Variants in GEMIN2 observed in about 807,000 individuals in gnomAD.
GEMIN2 encodes gem nuclear organelle associated protein 2, also known as gem-associated protein 2.
In GEMIN2, 37 loss-of-function variants were observed where a neutral mutation model predicts 45.8. That is an observed-to-expected ratio of 0.81 (90% confidence interval 0.62 to 1.06). GEMIN2 has a LOEUF of 1.06. Among genes scored for constraint, GEMIN2 ranks in the 50% least tolerant of loss-of-function variants. The pLI, the probability that GEMIN2 is intolerant of heterozygous loss-of-function variation, is 0.00. For synonymous variants in GEMIN2, 101 were observed against 111.5 expected (o/e 0.91, Z 0.60); for missense variants, 335 against 321.8 (o/e 1.04, Z -0.31).
intron 5 of GEMIN2, among the ~76,000 whole-genome samples, chr14:39,122,866 A>C (rs1232576364): frequency 6.6e-6 from 1 of 152,138 alleles, no homozygotes; most frequent in African/African-American, 2.4e-5. Flanking sequence ...GACTTTTTTT[A>C]GTTTGGCTTC....
intron 8 of GEMIN2, among the ~76,000 whole-genome samples, chr14:39,133,427 CTTTA>C (rs1447380863): frequency 1.3e-5 from 2 of 150,104 alleles, no homozygotes; most frequent in Admixed American, 6.7e-5. Flanking sequence ...TTAGATCCCT[CTTTA>C]TTTTTTTTTC....
At chr14:39,133,010 GTGTGTGTGTGTGTGTGTA>G (rs2052738706) in intron 8 of GEMIN2, among the ~76,000 whole-genome samples, 2 of 116,002 alleles carry the variant, frequency 1.7e-5, no homozygotes, top group African/African-American at 7.7e-5. Flanking sequence ...GTATATATAT[GTGTGTGTGTGTGTGTGTA>G]TATATATATA....
chr14:39,129,398 GTATT>G (rs973743931), intron 7 of GEMIN2, among the ~76,000 whole-genome samples: 29 of 152,068 alleles, frequency 1.9e-4, no homozygotes, highest in Non-Finnish European at 2.8e-4. Context: ...TGATGCTACG[GTATT>G]TATTTATTTT....
chr14:39,118,660 T>C, intron 4 of GEMIN2, 61 bp downstream of exon 4: 1 of 729,578 alleles, frequency 1.4e-6, no homozygotes, highest in Non-Finnish European at 2.5e-6. Flanking sequence ...AGTCTATATT[T>C]ACTTCCAGTC....
At position 39,128,261 on chromosome 14, in the gene GEMIN2, C is replaced by T. The variant is rs759252292; in HGVS notation, c.532-19C>T. The T allele has an allele frequency of 1.4e-6, 2 of 1,388,442 alleles. No individual in the cohort carries two copies. Among genetic ancestry groups the T allele is most frequent in the Non-Finnish European group, 2.0e-6 (2 of 994,640 alleles). 86.0% of individuals were successfully genotyped at this position (1,388,442 alleles called of 1,614,324 possible). ...TATTATTAATACAACTCTTCTCCAC[C>T]CCCTCTTTTTTTTTTTAGGCAACAG... On this transcript the variant is annotated intron_variant, in intron 6 of 9. Coordinates refer to ENST00000308317, the MANE Select transcript of GEMIN2 (RefSeq NM_003616.3).
intron 1 of GEMIN2, among the ~76,000 whole-genome samples, 172 bp from the exon 2 acceptor site, chr14:39,114,657 A>C (rs2052478564): frequency 6.6e-6 from 1 of 152,232 alleles, no homozygotes; most frequent in African/African-American, 2.4e-5. Flanking sequence ...GTGTGCTCTT[A>C]GATTTGTTTT....
At chr14:39,118,821 C>CT (rs1342433855) in intron 4 of GEMIN2, among the ~76,000 whole-genome samples, 1 of 142,816 alleles carries the variant, frequency 7.0e-6, no homozygotes, top group Non-Finnish European at 1.5e-5. Flanking sequence ...CTTGCTCTGT[C>CT]TCCCAGGCTA....
intron 8 of GEMIN2, 33 bp downstream of exon 8, chr14:39,132,101 C>T (rs1594520562): frequency 1.0e-6 from 1 of 963,700 alleles, no homozygotes; most frequent in Non-Finnish European, 1.7e-6. Flanking sequence ...AAATTAAAAG[C>T]ACCCACCAAT....
intron 7 of GEMIN2, among the ~76,000 whole-genome samples, chr14:39,130,088 GAATATTTAATTTAAATTA>G (rs144929537): frequency 0.031 from 4,672 of 151,278 alleles, 237 homozygotes; most frequent in African/African-American, 0.1. Flanking sequence ...CAAGTGTAGA[GAATATTTAATTTAAATTA>G]AATATTTAAT....
rs116912240 is a variant in GEMIN2, at chr14:39,120,219, A to T, written c.372+1620A>T. Among the ~76,000 whole-genome samples, 39 of 152,340 alleles carry T rather than the reference A, an allele frequency of 2.6e-4. No individual in the cohort carries two copies. The East Asian group carries it at 7.3e-3, about 29-fold the overall frequency. Reference sequence around the variant, plus strand: ...TTGTCATGGCAAATGCAAACATCATATAAGTAATAAAATGAAAATGTTTTA... The same window carrying T: ...TTGTCATGGCAAATGCAAACATCATTTAAGTAATAAAATGAAAATGTTTTA... On this transcript the variant is annotated intron_variant, in intron 4 of 9. Transcript: ENST00000308317.
chr14:39,123,950 A>C (rs1450549780), intron 5 of GEMIN2, among the ~76,000 whole-genome samples: 1 of 151,102 alleles, frequency 6.6e-6, no homozygotes, highest in East Asian at 1.9e-4. Flanking sequence ...TGTAGAGAGA[A>C]GTTTTCACCA....
chr14:39,136,334 C>G (rs2052780796), intron 9 of GEMIN2, 106 bp from the exon 10 acceptor site: 1 of 666,772 alleles, frequency 1.5e-6, no homozygotes, highest in African/African-American at 1.8e-5. Flanking sequence ...CTTATTTAAC[C>G]AGTTTCTTAT....
intron 2 of GEMIN2, 80 bp downstream of exon 2, chr14:39,114,993 C>A: frequency 2.7e-6 from 2 of 739,454 alleles, no homozygotes; most frequent in Admixed American, 2.1e-5. Flanking sequence ...TATCTGACAG[C>A]ATCAATTATG....
chr14:39,127,090 C>CTTTTT (rs35988558), intron 6 of GEMIN2, among the ~76,000 whole-genome samples: 1 of 124,576 alleles, frequency 8.0e-6, no homozygotes, highest in Non-Finnish European at 1.7e-5. Flanking sequence ...ACAAATACAT[C>CTTTTT]TTTTTTTTTT....
intron 5 of GEMIN2, 62 bp downstream of exon 5, chr14:39,122,605 A>T: frequency 1.2e-6 from 1 of 834,196 alleles, no homozygotes; most frequent in Non-Finnish European, 2.0e-6. Flanking sequence ...CACTTAATAT[A>T]AGGGGTCAGC....
chr14:39,116,384 G>T (rs2052506262), intron 2 of GEMIN2, among the ~76,000 whole-genome samples: 4 of 151,316 alleles, frequency 2.6e-5, no homozygotes. Context: ...CTCAAAGGAG[G>T]GTGGCATTTT....
chr14:39,123,443 G>A lies in GEMIN2; in HGVS notation c.486+900G>A, dbSNP rs80315167. 9.9e-4 allele frequency among the ~76,000 whole-genome samples: 151 copies of A among 151,856 alleles called. 2 individuals carry two copies. The East Asian group carries it at 0.028, about 28-fold the overall frequency. ...TAAAATTATTCTTATATGACAAGAT[G>A]CCAAAAATCACTTGTAATAGAAGTA... is the stretch of plus-strand genomic sequence containing the variant. On this transcript the variant is annotated intron_variant, in intron 5 of 9. Coordinates refer to ENST00000308317, the MANE Select transcript of GEMIN2 (RefSeq NM_003616.3).
At chr14:39,117,578 A>G (rs1349062715) in intron 2 of GEMIN2, among the ~76,000 whole-genome samples, 5 of 152,162 alleles carry the variant, frequency 3.3e-5, no homozygotes, top group Non-Finnish European at 4.4e-5. Context: ...TGTTAACTGT[A>G]GTCACTCTAC....
At chr14:39,128,969 G>A (rs1448450399) in intron 7 of GEMIN2, among the ~76,000 whole-genome samples, 1 of 152,042 alleles carries the variant, frequency 6.6e-6, no homozygotes, top group African/African-American at 2.4e-5. Flanking sequence ...GTTTAGATCT[G>A]GCCAGGCACA....
Sources: allele counts gnomAD v4.1 joint callset (sites outside exome capture counted in the v4.1 genomes callset), GRCh38; gene constraint gnomAD v4.1.1; transcripts MANE v1.5; gene names NCBI Gene and HGNC (gene_info 2026-07-23, HGNC 2026-07-21).